The following DMD variants were observed in gnomAD, a reference collection of about 807,000 sequenced individuals.
DMD encodes the protein mutant dystrophin.
In DMD, 63 loss-of-function variants were observed where a neutral mutation model predicts 330.1. The ratio of observed to expected loss-of-function variants is 0.19; its 90% CI spans 0.16 to 0.24. The LOEUF (loss-of-function observed/expected upper bound fraction) is 0.24, where lower values mean the gene tolerates loss of function less well. Ranked by LOEUF, DMD falls within the 10% of genes least tolerant of loss-of-function variation. DMD has a pLI of 1.00. For missense variants in DMD, 3,344 were observed against 2,684.1 expected (o/e 1.25, Z -5.43); for synonymous variants, 1,223 against 959.8 (o/e 1.27, Z -5.07).
In DMD at chrX:31,293,349, C is replaced by G. The variant is rs138791017; in HGVS notation, c.9224+30249G>C. Among the ~76,000 whole-genome samples the G allele has an allele frequency of 2.2e-4, 24 of 109,539 alleles. 1 individual carries two copies. The East Asian group carries it at 6.9e-3, about 31-fold the overall frequency. Reference sequence around the variant, plus strand: ...TTGCATTGAGCTGAACATGTTTCATCTGTATACTTTCTGAATGTGGGTCAT... The same window carrying G: ...TTGCATTGAGCTGAACATGTTTCATGTGTATACTTTCTGAATGTGGGTCAT... On this transcript the variant is annotated intron_variant, in intron 62 of 78. Transcript: ENST00000357033.
At chrX:31,819,879 T>C in intron 50 of DMD, 96 bp downstream of exon 50, 1 of 707,389 alleles carries the variant, frequency 1.4e-6, no homozygotes. Context: ...ATCTTTAGAA[T>C]TGAAACAAAT....
chrX:32,137,806 T>C (rs1302728505), intron 44 of DMD, among the ~76,000 whole-genome samples: 2 of 110,577 alleles, frequency 1.8e-5, no homozygotes, highest in African/African-American at 6.6e-5. Context: ...GAAAATTCTC[T>C]AGGCCCTGAC....
At chrX:31,170,368 G>A (rs1426267523) in intron 73 of DMD, among the ~76,000 whole-genome samples, 1 of 110,653 alleles carries the variant, frequency 9.0e-6, no homozygotes, top group East Asian at 2.8e-4. Context: ...TATTTGGGGA[G>A]GCAGCTACAA....
chrX:32,553,577 A>G (rs1220842047), intron 16 of DMD, among the ~76,000 whole-genome samples: 1 of 110,114 alleles, frequency 9.1e-6, no homozygotes, highest in East Asian at 2.8e-4. Flanking sequence ...AGTAAAAAAT[A>G]ATATAGTATA....
intron 1 of DMD, among the ~76,000 whole-genome samples, chrX:33,253,810 T>G (rs2052810517): frequency 9.0e-6 from 1 of 111,226 alleles, no homozygotes; most frequent in African/African-American, 3.3e-5. Flanking sequence ...CTAATGAAAT[T>G]TTTCAAACTC....
intron 48 of DMD, among the ~76,000 whole-genome samples, chrX:31,856,260 T>C (rs996899752): frequency 1.3e-4 from 15 of 111,685 alleles, no homozygotes; most frequent in Non-Finnish European, 2.4e-4. Context: ...GGAAAAGCAA[T>C]TTGCAATATA....
chrX:31,889,137 A>T (rs1421373415), intron 47 of DMD, among the ~76,000 whole-genome samples: 1 of 112,133 alleles, frequency 8.9e-6, no homozygotes, highest in African/African-American at 3.2e-5. Context: ...AAGATTTCAA[A>T]GTCAGTAAAA....
intron 61 of DMD, among the ~76,000 whole-genome samples, chrX:31,345,388 A>G (rs10521967): frequency 0.013 from 1,405 of 111,824 alleles, 19 homozygotes; most frequent in African/African-American, 0.043. Flanking sequence ...GGATTTTCAC[A>G]CTAATAAAAT....
rs184174187 is a variant in DMD, at chrX:33,014,508, G to A, written c.93+5631C>T. Among the ~76,000 whole-genome samples the A allele has an allele frequency of 3.2e-3, 356 of 111,769 alleles. 2 individuals carry two copies. Among genetic ancestry groups the A allele is most frequent in the African/African-American group, 0.011 (328 of 30,813 alleles). The stretch of plus-strand genomic sequence containing the variant: ...CGGAGATTGAATTTCTCACCAGTCA[G>A]ATTGTTGGGGTTACTAGTTGCTGCA... On this transcript the variant is annotated intron_variant, in intron 2 of 78. Transcript: ENST00000357033.
At chrX:32,398,096 T>C (rs974137839) in intron 30 of DMD, among the ~76,000 whole-genome samples, 1 of 110,355 alleles carries the variant, frequency 9.1e-6, no homozygotes, top group African/African-American at 3.3e-5. Flanking sequence ...AAACAAAATA[T>C]ATCAAAAGAT....
intron 2 of DMD, among the ~76,000 whole-genome samples, chrX:32,880,468 C>G (rs2083825499): frequency 9.0e-6 from 1 of 111,386 alleles, no homozygotes; most frequent in African/African-American, 3.3e-5. Context: ...CAATACAACC[C>G]TAGCCAAGCA....
At chrX:32,856,220 G>C (rs748080066) in intron 2 of DMD, among the ~76,000 whole-genome samples, 1 of 111,915 alleles carries the variant, frequency 8.9e-6, no homozygotes, top group East Asian at 2.8e-4. Context: ...GGGATGTAAA[G>C]TAGTAGAACC....
At chrX:32,501,528 T>C (rs2044052320) in intron 19 of DMD, among the ~76,000 whole-genome samples, 1 of 111,884 alleles carries the variant, frequency 8.9e-6, no homozygotes, top group Admixed American at 9.5e-5. Context: ...TGCTACAGAC[T>C]GATAAAATAT....
At chrX:32,720,122 C>G (rs1258876439) in intron 7 of DMD, among the ~76,000 whole-genome samples, 1 of 111,543 alleles carries the variant, frequency 9.0e-6, no homozygotes, top group African/African-American at 3.2e-5. Flanking sequence ...CAGAGCCACT[C>G]AACACTCGTA....
At chrX:33,066,680 T>A (rs2094667194) in intron 1 of DMD, among the ~76,000 whole-genome samples, 1 of 110,199 alleles carries the variant, frequency 9.1e-6, no homozygotes, top group Non-Finnish European at 1.9e-5. Context: ...AACCTTTAAT[T>A]CTGCCTAAAG....
intron 47 of DMD, among the ~76,000 whole-genome samples, chrX:31,921,203 G>A (rs1161314877): frequency 9.0e-6 from 1 of 111,378 alleles, no homozygotes; most frequent in Non-Finnish European, 1.9e-5. Flanking sequence ...TAAAAACGAT[G>A]TTCAGAATTA....
chrX:32,475,656 G>C (rs774623041), intron 21 of DMD, among the ~76,000 whole-genome samples: 4 of 111,104 alleles, frequency 3.6e-5, no homozygotes, highest in Non-Finnish European at 7.5e-5. Context: ...AAGGGGTTGA[G>C]TTCTTAATTT....
chrX:32,827,056 A>ACCCCCCCCCCCCCCCCC (rs1174768674), intron 4 of DMD, among the ~76,000 whole-genome samples: 1 of 59,903 alleles, frequency 1.7e-5, no homozygotes. Flanking sequence ...CACACATCGC[A>ACCCCCCCCCCCCCCCCC]CCCCCCCCCC....
chrX:33,094,345 A>AC (rs2095126190), intron 1 of DMD, among the ~76,000 whole-genome samples: 1 of 111,730 alleles, frequency 9.0e-6, no homozygotes, highest in Non-Finnish European at 1.9e-5. Context: ...AGACAAGGCA[A>AC]TAGTTTCAGC....
Sources: gnomAD v4.1 joint callset for allele counts (sites outside exome capture counted in the v4.1 genomes callset) on GRCh38, gnomAD v4.1.1 for gene constraint, MANE v1.5 for transcripts, NCBI Gene and HGNC (gene_info 2026-07-23, HGNC 2026-07-21) for gene names.